Variants in CCT2 observed in about 807,000 individuals in gnomAD.
CCT2 encodes the protein T-complex protein 1 subunit beta.
A neutral mutation model predicts 61.8 loss-of-function variants in CCT2; 18 were observed. That is an observed-to-expected ratio of 0.29 (90% confidence interval 0.20 to 0.43). The LOEUF is 0.43. Ranked by LOEUF, CCT2 falls within the 20% of genes least tolerant of loss-of-function variation. CCT2 has a pLI of 1.00. For synonymous variants in CCT2, 248 were observed against 215.9 expected, an observed-to-expected ratio of 1.15 and a Z score of -1.30; for missense variants, 556 against 656.9, an observed-to-expected ratio of 0.85 and a Z score of 1.68.
chr12:69,601,170 G>A (rs767082575), intron 15 of CCT2, 125 bp from the exon 16 acceptor site: 5 of 764,414 alleles, frequency 6.5e-6, no homozygotes, highest in South Asian at 3.9e-5. Context: ...GGACACACAT[G>A]CAAACCATTG....
At chr12:69,600,558 T>C (rs537037047) in intron 15 of CCT2, among the ~76,000 whole-genome samples, 2 of 149,540 alleles carry the variant, frequency 1.3e-5, no homozygotes, top group African/African-American at 4.9e-5. Context: ...ACCATGGGCT[T>C]CTTTTTCATA....
rs1410487307 is a variant in CCT2 at position 69,599,926 on chromosome 12, A to G, written c.1499A>G (p.Lys500Arg). ...ILGITESFQV[K>R]RQVLLSAAEA... ...GGTATAACAGAAAGTTTTCAAGTGA[A>G]GCGACAGGTTCTTCTGAGTGCAGCT... is the stretch of plus-strand genomic sequence containing the variant. The change falls in exon 15 of 16, where the codon AAG (lysine) becomes AGG (arginine). Residue 500 changes from lysine (K) to arginine (R), a missense_variant. Lys to Arg is a conservative substitution (Grantham distance 26). Transcript: ENST00000299300. 6.2e-7 allele frequency: 1 copy of G among 1,614,050 alleles called. No homozygotes were observed. Among genetic ancestry groups the G allele is most frequent in the Non-Finnish European group, 8.5e-7 (1 of 1,179,912 alleles).
At chr12:69,586,408 C>A in intron 2 of CCT2, 64 bp downstream of exon 2, 1 of 1,165,684 alleles carries the variant, frequency 8.6e-7, no homozygotes, top group Non-Finnish European at 1.3e-6. Context: ...TGGCTTACTC[C>A]TGTAATCCCA....
chr12:69,588,181 A>G lies in CCT2; in HGVS notation c.365A>G (p.His122Arg). Reference sequence around the variant, plus strand: ...GAATCTTTAATTGCAAAAAAGATTCATCCACAGACCATCATAGCGGGTTGG... The same window carrying G: ...GAATCTTTAATTGCAAAAAAGATTCGTCCACAGACCATCATAGCGGGTTGG... Reference protein sequence around the residue: ...EAESLIAKKIHPQTIIAGWRE... With the variant: ...EAESLIAKKIRPQTIIAGWRE... Residue 122 changes from histidine to arginine, a missense_variant, in exon 6 of 16, where the codon CAT becomes CGT. Transcript: ENST00000299300. 6.2e-7 allele frequency: 1 copy of G among 1,614,104 alleles called. No individual in the cohort carries two copies. Among genetic ancestry groups the G allele is most frequent in the Non-Finnish European group, 8.5e-7 (1 of 1,179,954 alleles).
chr12:69,588,209 A>G lies in CCT2; in HGVS notation c.393A>G (p.Arg131=). The G allele has an allele frequency of 6.2e-7, 1 of 1,614,206 alleles. No homozygotes were observed. Among genetic ancestry groups the G allele is most frequent in the Non-Finnish European group, 8.5e-7 (1 of 1,180,024 alleles). The change falls in exon 6 of 16, where the codon AGA becomes AGG. Residue 131 remains arginine (R), a synonymous_variant. Transcript: ENST00000299300. ...IHPQTIIAGW[R]EATKAAREAL... ...CACAGACCATCATAGCGGGTTGGAG[A>G]GAAGCCACGAAGGCTGCAAGAGAGG...
chr12:69,600,555 G>A (rs1882119194), intron 15 of CCT2, among the ~76,000 whole-genome samples: 2 of 150,452 alleles, frequency 1.3e-5, no homozygotes, highest in South Asian at 2.1e-4. Context: ...CAGACCATGG[G>A]CTTCTTTTTC....
At chr12:69,591,203 C>T (rs1881825176) in intron 7 of CCT2, among the ~76,000 whole-genome samples, 1 of 152,062 alleles carries the variant, frequency 6.6e-6, no homozygotes, top group Non-Finnish European at 1.5e-5. Context: ...GAGTAGAAAA[C>T]CCAAGATAAT....
Position 69,593,611 on chromosome 12 carries a change from C to A in CCT2, c.980C>A (p.Thr327Lys), listed in dbSNP as rs377380728. Residue 327 changes from threonine to lysine, a missense_variant and splice_region_variant, in exon 10 of 16, where the codon ACA (threonine) becomes AAA (lysine). Physicochemically the swap from Thr to Lys is moderately conservative, Grantham distance 78. Transcript: ENST00000299300. ...GGTGTGGAACGCCTAGCTCTTGTCA[C>A]AGGTATGGAAAAAAGGTATTGTTTT... ...FAGVERLALV[T>K]GGEIASTFDH... 2 of 1,588,580 alleles carry A rather than the reference C, an allele frequency of 1.3e-6. No individual in the cohort carries two copies. The highest frequency in any genetic ancestry group is 1.7e-5 in the Admixed American group (1 of 59,164).
At position 69,598,193 on chromosome 12, in the gene CCT2, G is replaced by C. The variant is rs77765804; in HGVS notation, c.1335+122G>C. ...TTTGATTCTGGAGTTTCTCCTCTTC[G>C]TGAGCAGTAACTGAAGCAGATTTTA... is the stretch of plus-strand genomic sequence containing the variant. On this transcript the variant is annotated intron_variant, in intron 13 of 15. Coordinates refer to ENST00000299300, the MANE Select transcript of CCT2 (RefSeq NM_006431.3). 3.8e-3 allele frequency: 3,673 copies of C among 974,642 alleles called. 91 individuals are homozygous for C. The African/African-American group carries it at 0.05, about 13-fold the overall frequency. The allele number at this position is 974,642 out of a possible 1,614,324, so 60.4% of individuals were successfully genotyped here.
Position 69,593,093 on chromosome 12 carries a change from T to C in CCT2, c.868T>C (p.Phe290Leu). Residue 290 changes from phenylalanine (F) to leucine (L), a missense_variant, in exon 9 of 16, where the codon TTT (phenylalanine) becomes CTT (leucine). This residue lies in a region of CCT2 where 308 missense variants were observed against 350.6 expected (regional missense o/e 0.88). Coordinates refer to ENST00000299300, the MANE Select transcript of CCT2 (RefSeq NM_006431.3). Reference protein sequence around the residue: ...ERILKHGINCFINRQLIYNYP... With the variant: ...ERILKHGINCLINRQLIYNYP... The stretch of plus-strand genomic sequence containing the variant: ...TATTCTTAAGCATGGAATAAATTGC[T>C]TTATTAACAGGTCTGTGTTTGCTTT... 6.2e-7 allele frequency: 1 copy of C among 1,613,284 alleles called. No homozygotes were observed. The highest frequency in any genetic ancestry group is 8.5e-7 in the Non-Finnish European group (1 of 1,179,440).
chr12:69,587,534 T>C lies in CCT2; in HGVS notation c.174T>C (p.Asp58=), dbSNP rs1358444894. 2.5e-6 allele frequency: 4 copies of C among 1,612,894 alleles called. No homozygotes were observed. In the Admixed American group the frequency reaches 6.7e-5, roughly 27 times the overall value. ...MDKILLSSGR[D]ASLMVTNDGA... ...AAATTCTTCTAAGCAGTGGACGAGA[T>C]GCCTCTCTTATGGTAACCAATGATG... The change falls in exon 4 of 16, where the codon GAT becomes GAC. Residue 58 remains aspartate, a synonymous_variant. Transcript: ENST00000299300.
At chr12:69,590,155 A>C (rs1881790502) in intron 7 of CCT2, among the ~76,000 whole-genome samples, 1 of 152,198 alleles carries the variant, frequency 6.6e-6, no homozygotes, top group Admixed American at 6.5e-5. Flanking sequence ...CGTGGTTTGC[A>C]CATGTGCAAC....
intron 10 of CCT2, 139 bp from the exon 11 acceptor site, chr12:69,597,017 G>C (rs1882012222): frequency 1.6e-6 from 1 of 640,190 alleles, no homozygotes. Context: ...TATTTAAAAA[G>C]AGTGCCAGGA....
intron 10 of CCT2, among the ~76,000 whole-genome samples, chr12:69,595,868 T>TTGTC (rs1881974022): frequency 6.6e-6 from 1 of 152,196 alleles, no homozygotes; most frequent in Admixed American, 6.5e-5. Context: ...AGCTCAGTGG[T>TTGTC]TGTCAAAGGT....
In CCT2 at chr12:69,588,024, ACT is replaced by A. The variant is rs1881715503; in HGVS notation, c.333+21_333+22del. On this transcript the variant is annotated intron_variant, in intron 5 of 15. Coordinates refer to ENST00000299300, the MANE Select transcript of CCT2 (RefSeq NM_006431.3). ...TATTAAGGGTAAGAGCAACTAAGCA[ACT>A]CTTTTTTCCTACTGTGTTTTTGAGT... The A allele has an allele frequency of 6.2e-7, 1 of 1,605,290 alleles. No individual in the cohort carries two copies. The highest frequency in any genetic ancestry group is 8.5e-7 in the Non-Finnish European group (1 of 1,172,228).
intron 10 of CCT2, among the ~76,000 whole-genome samples, chr12:69,594,588 G>A (rs575843431): frequency 1.3e-5 from 2 of 152,286 alleles, no homozygotes; most frequent in African/African-American, 4.8e-5. Context: ...TGGTTGCGGT[G>A]GCTCATGCTT....
Position 69,585,979 on chromosome 12 carries a change from T to A in CCT2, c.4-291T>A, listed in dbSNP as rs1192333836. On this transcript the variant is annotated intron_variant, in intron 1 of 15. Coordinates refer to ENST00000299300, the MANE Select transcript of CCT2 (RefSeq NM_006431.3). ...TGGCCTGCAACCCCTCCCTGCCTCA[T>A]TCTTAGTTCAAGATCGTCTTTAGTC... is the stretch of plus-strand genomic sequence containing the variant. 3.0e-6 allele frequency: 4 copies of A among 1,313,820 alleles called. No individual in the cohort carries two copies. In the East Asian group the frequency reaches 1.4e-4, roughly 45 times the overall value. The allele number at this position is 1,313,820 out of a possible 1,614,324, so 81.4% of individuals were successfully genotyped here.
chr12:69,591,074 ATATT>A (rs528305060), intron 7 of CCT2, among the ~76,000 whole-genome samples: 238 of 152,260 alleles, frequency 1.6e-3, no homozygotes, highest in Non-Finnish European at 3.7e-4. Flanking sequence ...TAAAACAAGA[ATATT>A]AGTAGCACAA....
chr12:69,587,659 T>A (rs746810317), intron 4 of CCT2, 43 bp downstream of exon 4: 3 of 1,242,340 alleles, frequency 2.4e-6, no homozygotes, highest in Admixed American at 3.5e-5. Context: ...TAATACTGTT[T>A]GTTAACATTT....
Sources: gnomAD v4.1 joint callset for allele counts (sites outside exome capture counted in the v4.1 genomes callset) on GRCh38, gnomAD v4.1.1 for gene constraint, gnomAD v4.1.1 regional missense constraint, MANE v1.5 for transcripts, NCBI Gene and HGNC (gene_info 2026-07-23, HGNC 2026-07-21) for gene names.